SGCD: variants seen among roughly 807,000 people sequenced by gnomAD.
SGCD encodes the protein sarcoglycan delta.
A neutral mutation model predicts 36.6 loss-of-function variants in SGCD; 18 were observed. The observed-to-expected ratio is 0.49, with a 90% confidence interval of 0.34 to 0.73. The LOEUF (loss-of-function observed/expected upper bound fraction) is 0.73. Ranked by LOEUF, SGCD falls within the 30% of genes least tolerant of loss-of-function variation. The pLI is 0.01. For synonymous variants in SGCD, 133 were observed against 130.6 expected (o/e 1.02, Z -0.12); for missense variants, 387 against 346.7 (o/e 1.12, Z -0.92).
At chr5:155,773,989 A>G in the SGCD span, among the ~76,000 whole-genome samples, 4 of 152,262 alleles carry the variant, frequency 2.6e-5, no homozygotes, top group Middle Eastern at 0.01. Flanking sequence ...ATACATGTTG[A>G]TAGTTGAGTT....
intron 7 of SGCD, among the ~76,000 whole-genome samples, chr5:156,723,565 G>A (rs562664494): frequency 6.6e-6 from 1 of 152,322 alleles, no homozygotes; most frequent in African/African-American, 2.4e-5. Flanking sequence ...GCTATGAAGG[G>A]AAGATTCAGG....
At position 155,969,758 on chromosome 5, in the gene SGCD, C is replaced by T. The variant is rs1004614859; in HGVS notation, c.-282+99334C>T. On this transcript the variant is annotated intron_variant, in intron 1 of 9. Transcript: ENST00000517913. ...GACGTGGGCTAGTGTGTGGAAAATG[C>T]CTAGCACAGCACCTCCTACCCAGTG... is the stretch of plus-strand genomic sequence containing the variant. Among the ~76,000 whole-genome samples, 3 of 152,030 alleles carry T rather than the reference C, an allele frequency of 2.0e-5. No individual in the cohort carries two copies. The South Asian group carries it at 6.2e-4, about 31-fold the overall frequency.
At chr5:155,987,108 G>A (rs1758347875) in intron 1 of SGCD, among the ~76,000 whole-genome samples, 1 of 152,162 alleles carries the variant, frequency 6.6e-6, no homozygotes, top group South Asian at 2.1e-4. Context: ...GACATTCAAG[G>A]AGAATTAGGT....
intron 3 of SGCD, among the ~76,000 whole-genome samples, chr5:156,487,199 A>G (rs1322592260): frequency 2.0e-5 from 3 of 152,202 alleles, no homozygotes; most frequent in Non-Finnish European, 4.4e-5. Flanking sequence ...TTTCACTAAC[A>G]ACTTCAGCCT....
chr5:156,043,823 T>C (rs1232401484), intron 1 of SGCD, among the ~76,000 whole-genome samples: 1 of 152,176 alleles, frequency 6.6e-6, no homozygotes, highest in Non-Finnish European at 1.5e-5. Context: ...TCAATAACTA[T>C]TAACTGTACT....
intron 7 of SGCD, among the ~76,000 whole-genome samples, chr5:156,697,523 T>C (rs1432214188): frequency 4.6e-5 from 7 of 152,190 alleles, no homozygotes; most frequent in Non-Finnish European, 2.9e-5. Flanking sequence ...GGGAAACAGT[T>C]TAAACATGAG....
intron 3 of SGCD, among the ~76,000 whole-genome samples, chr5:156,240,674 C>T (rs1273406389): frequency 6.6e-6 from 1 of 151,938 alleles, no homozygotes; most frequent in African/African-American, 2.4e-5. Context: ...TGGCAGAGTG[C>T]TTCTTCGTCT....
At chr5:156,472,469 G>A (rs1277688111) in intron 3 of SGCD, among the ~76,000 whole-genome samples, 1 of 152,132 alleles carries the variant, frequency 6.6e-6, no homozygotes, top group Non-Finnish European at 1.5e-5. Context: ...CCAGTCTGGA[G>A]TGCAGTGGCA....
chr5:156,515,907 T>A (rs904436481), intron 4 of SGCD, among the ~76,000 whole-genome samples: 2 of 152,254 alleles, frequency 1.3e-5, no homozygotes, highest in Non-Finnish European at 2.9e-5. Flanking sequence ...TAGCAGATTG[T>A]GGCCAGACTG....
intron 4 of SGCD, among the ~76,000 whole-genome samples, chr5:156,565,119 C>A (rs746924677): frequency 6.6e-6 from 1 of 152,154 alleles, no homozygotes; most frequent in Non-Finnish European, 1.5e-5. Context: ...ACTTTTATTT[C>A]ATAAAATCAT....
In SGCD at chr5:156,634,948, A is replaced by C. The variant is rs114991162; in HGVS notation, c.503-12516A>C. On this transcript the variant is annotated intron_variant, in intron 6 of 8. Transcript: ENST00000337851. ...TTAAATAGCGGAACTTCCTGGCTGG[A>C]TGCAGTGGCTCATGCTTGTAATCCC... Among the ~76,000 whole-genome samples the C allele has an allele frequency of 2.5e-3, 383 of 152,240 alleles. 1 individual carries two copies. The highest frequency in any genetic ancestry group is 8.8e-3 in the African/African-American group (364 of 41,544).
At chr5:156,197,897 T>C (rs985639147) in intron 3 of SGCD, among the ~76,000 whole-genome samples, 2 of 152,158 alleles carry the variant, frequency 1.3e-5, no homozygotes, top group African/African-American at 4.8e-5. Context: ...AAACTATGCT[T>C]ATTAACATAC....
chr5:156,546,499 G>A (rs915586377), intron 4 of SGCD, among the ~76,000 whole-genome samples: 1 of 151,966 alleles, frequency 6.6e-6, no homozygotes, highest in Non-Finnish European at 1.5e-5. Flanking sequence ...GAACAATAGA[G>A]AATATACTTA....
rs143475024 is a variant in SGCD at position 156,419,545 on chromosome 5, G to A, written c.192+74868G>A. Among the ~76,000 whole-genome samples, 1,012 of 152,216 alleles carry A rather than the reference G, an allele frequency of 6.6e-3. 6 individuals are homozygous for A. The highest frequency in any genetic ancestry group is 0.061 in the Middle Eastern group (18 of 294). On this transcript the variant is annotated intron_variant, in intron 3 of 8. Coordinates refer to ENST00000337851, the MANE Select transcript of SGCD (RefSeq NM_000337.6). ...GCACTGCCACTCAGAATGACACCTA[G>A]CTGCTCTTCATGGATCAGCCTAAGA...
the SGCD span, among the ~76,000 whole-genome samples, chr5:155,754,881 C>T: frequency 6.6e-6 from 1 of 152,052 alleles, no homozygotes; most frequent in Non-Finnish European, 1.5e-5. Flanking sequence ...TAAAATTCTC[C>T]CTTAACTTTC....
chr5:155,955,268 C>T (rs772602018), intron 1 of SGCD, among the ~76,000 whole-genome samples: 6 of 152,042 alleles, frequency 3.9e-5, no homozygotes, highest in Non-Finnish European at 7.4e-5. Flanking sequence ...TGACACACTC[C>T]GTAAGTATTT....
In SGCD at chr5:156,764,689, G is replaced by A. The variant is rs145129969; in HGVS notation, c.*5299G>A. On this transcript the variant is annotated 3_prime_UTR_variant, in exon 9 of 9. Transcript: ENST00000337851. Reference sequence around the variant, plus strand: ...CCTTTTGTAGATATTGACAGAATAGGAGGAAATGAGCATCCTTATTTGAGA... The same window carrying A: ...CCTTTTGTAGATATTGACAGAATAGAAGGAAATGAGCATCCTTATTTGAGA... 3 of 152,352 alleles carry A rather than the reference G, an allele frequency of 2.0e-5. No individual in the cohort carries two copies. In the East Asian group the frequency reaches 5.8e-4, roughly 29 times the overall value. 9.4% of individuals were successfully genotyped at this position (152,352 alleles called of 1,614,324 possible). A position where few individuals can be genotyped will look rare whatever the true frequency, so the allele number is the denominator to read the frequency against.
intron 3 of SGCD, among the ~76,000 whole-genome samples, chr5:156,250,546 C>T (rs1765549016): frequency 6.6e-6 from 1 of 152,118 alleles, no homozygotes; most frequent in Non-Finnish European, 1.5e-5. Context: ...GAGGCTCACA[C>T]TGCTCTAGTC....
At chr5:156,148,886 G>T (rs1488994824) in intron 3 of SGCD, among the ~76,000 whole-genome samples, 1 of 152,082 alleles carries the variant, frequency 6.6e-6, no homozygotes, top group East Asian at 1.9e-4. Context: ...ATCTAAAGTG[G>T]GCCCTGGTAC....
Sources: gnomAD v4.1 joint callset for allele counts (sites outside exome capture counted in the v4.1 genomes callset) on GRCh38, gnomAD v4.1.1 for gene constraint, MANE v1.5 for transcripts, NCBI Gene and HGNC (gene_info 2026-07-23, HGNC 2026-07-21) for gene names.